ETS1: variants seen among roughly 807,000 people sequenced by gnomAD.
ETS1 encodes ETS proto-oncogene 1, transcription factor.
In ETS1, 15 loss-of-function variants were observed where a neutral mutation model predicts 58.6. The observed-to-expected ratio is 0.26, with a 90% confidence interval of 0.17 to 0.39. The LOEUF (loss-of-function observed/expected upper bound fraction) is 0.39. Among genes scored for constraint, ETS1 ranks in the 10% least tolerant of loss-of-function variants. The pLI is 1.00. For missense variants in ETS1, 417 were observed against 610.5 expected, an observed-to-expected ratio of 0.68 and a Z score of 3.34; for synonymous variants, 214 against 218.2, an observed-to-expected ratio of 0.98 and a Z score of 0.17.
Position 128,573,072 on chromosome 11 carries a change from G to T in ETS1, c.59C>A (p.Pro20His), listed in dbSNP as rs1864670025. ...SSPVPYSAPR[P>H]AVVRQGPSNT... ...GGGGCCACCACTCACCACCACTGCAGGACGAGGCGCTGAGTAAGGGACGGG... is the reference window on the plus strand; with the variant it reads ...GGGGCCACCACTCACCACCACTGCATGACGAGGCGCTGAGTAAGGGACGGG... Residue 20 changes from proline to histidine, a missense_variant, in exon 2 of 10, where the codon CCT (proline) becomes CAT (histidine). Transcript: ENST00000392668. 2 of 1,604,818 alleles carry T rather than the reference G, an allele frequency of 1.2e-6. No individual in the cohort carries two copies. The highest frequency in any genetic ancestry group is 1.7e-6 in the Non-Finnish European group (2 of 1,175,806).
chr11:128,571,501 CAAAAAAAAAAAAAAAAAAAAAAAAAAAAA>C (rs563312769), intron 2 of ETS1, among the ~76,000 whole-genome samples: 1 of 32,880 alleles, frequency 3.0e-5, no homozygotes, highest in Non-Finnish European at 5.1e-5. Context: ...AAGACTCCGT[CAAAAAAAAAAAAAAAAAAAAAAAAAAAAA>C]AAAAAAAAAA....
At chr11:128,534,729 A>C (rs1342263234) in intron 3 of ETS1, among the ~76,000 whole-genome samples, 3 of 152,136 alleles carry the variant, frequency 2.0e-5, no homozygotes, top group Non-Finnish European at 4.4e-5. Context: ...TTCCAGGTCC[A>C]TCCATGTCCC....
At chr11:128,575,139 A>G (rs1445966310) in intron 1 of ETS1, among the ~76,000 whole-genome samples, 1 of 152,126 alleles carries the variant, frequency 6.6e-6, no homozygotes, top group East Asian at 1.9e-4. Context: ...GAGGCCTGAA[A>G]CCTCAGATAG....
chr11:128,557,364 T>G (rs547812669), intron 2 of ETS1, among the ~76,000 whole-genome samples: 9 of 152,304 alleles, frequency 5.9e-5, no homozygotes, highest in African/African-American at 2.2e-4. Context: ...GTAATAATAC[T>G]TACTTCATGA....
At chr11:128,507,965 C>T (rs1453793576) in intron 3 of ETS1, among the ~76,000 whole-genome samples, 2 of 152,184 alleles carry the variant, frequency 1.3e-5, no homozygotes, top group Non-Finnish European at 2.9e-5. Flanking sequence ...CTGATAACAT[C>T]AATTCCAAAA....
At chr11:128,565,989 G>A (rs1209532868) in intron 2 of ETS1, among the ~76,000 whole-genome samples, 1 of 152,172 alleles carries the variant, frequency 6.6e-6, no homozygotes, top group African/African-American at 2.4e-5. Flanking sequence ...CCAGAGCCCT[G>A]GGTAAGAAGG....
In ETS1 at chr11:128,538,312, G is replaced by C. The variant is rs942570106; in HGVS notation, c.214+17979C>G. On this transcript the variant is annotated intron_variant, in intron 3 of 9. Coordinates refer to ENST00000392668, the MANE Select transcript of ETS1 (RefSeq NM_001143820.2). Reference sequence around the variant, plus strand: ...CTTTGATTGTAATTCAGGAGGTAAGGGGGGGCGTTAACCTTCCTATTTAGA... The same window carrying C: ...CTTTGATTGTAATTCAGGAGGTAAGCGGGGGCGTTAACCTTCCTATTTAGA... 9.2e-5 allele frequency among the ~76,000 whole-genome samples: 14 copies of C among 152,238 alleles called. No homozygotes were observed. In the East Asian group the frequency reaches 9.6e-4, roughly 10 times the overall value.
At chr11:128,509,550 ATT>A (rs59753000) in intron 3 of ETS1, among the ~76,000 whole-genome samples, 22,580 of 94,458 alleles carry the variant, frequency 0.24, 1,743 homozygotes, top group Middle Eastern at 0.33. Flanking sequence ...TCAGGTGAAA[ATT>A]TTTTTTTTTT....
intron 2 of ETS1, among the ~76,000 whole-genome samples, chr11:128,558,517 C>T (rs775352087): frequency 5.9e-5 from 9 of 151,784 alleles, no homozygotes; most frequent in Non-Finnish European, 8.8e-5. Flanking sequence ...TGGTGGTGGG[C>T]GCCTGTAATC....
At chr11:128,571,905 G>C (rs953973961) in intron 2 of ETS1, 1 of 151,530 alleles carries the variant, frequency 6.6e-6, no homozygotes, top group Non-Finnish European at 1.5e-5. Flanking sequence ...TTAGTTGGGC[G>C]TGGTGGTGGG....
intron 8 of ETS1, among the ~76,000 whole-genome samples, chr11:128,478,215 G>A (rs1654278555): frequency 6.8e-6 from 1 of 146,454 alleles, no homozygotes; most frequent in Admixed American, 6.8e-5. Context: ...CTCACTAAAT[G>A]TTTTACTCCC....
chr11:128,556,615 G>A (rs1431202747), intron 2 of ETS1, among the ~76,000 whole-genome samples, 180 bp from the exon 3 acceptor site: 2 of 152,136 alleles, frequency 1.3e-5, no homozygotes, highest in Admixed American at 6.5e-5. Flanking sequence ...CGCAGGGAAC[G>A]AGAAGAATTT....
At chr11:128,489,595 T>G in intron 4 of ETS1, 105 bp from the exon 5 acceptor site, 1 of 862,306 alleles carries the variant, frequency 1.2e-6, no homozygotes, top group Non-Finnish European at 1.9e-6. Context: ...GAATGCTATC[T>G]TTATTCATCG....
At chr11:128,477,749 G>A (rs1862361783) in intron 8 of ETS1, among the ~76,000 whole-genome samples, 1 of 152,186 alleles carries the variant, frequency 6.6e-6, no homozygotes, top group African/African-American at 2.4e-5. Flanking sequence ...TGAATCCAAG[G>A]AGACAGTGAG....
rs555982036 is a variant in ETS1 at position 128,534,345 on chromosome 11, A to G, written c.214+21946T>C. Among the ~76,000 whole-genome samples the G allele has an allele frequency of 3.9e-4, 59 of 152,314 alleles. 3 individuals carry two copies. In the South Asian group the frequency reaches 0.012, roughly 31 times the overall value. On this transcript the variant is annotated intron_variant, in intron 3 of 9. Coordinates refer to ENST00000392668, the MANE Select transcript of ETS1 (RefSeq NM_001143820.2). ...TGACTAGACTATAAAGAAATCCCAT[A>G]TACAATTTAAGTTTTCCATGAAATG...
At position 128,489,972 on chromosome 11, in the gene ETS1, A is replaced by C. The variant is rs530109479; in HGVS notation, c.335-482T>G. On this transcript the variant is annotated intron_variant, in intron 4 of 9. Coordinates refer to ENST00000392668, the MANE Select transcript of ETS1 (RefSeq NM_001143820.2). ...GGTAACAATTGTAGCAATTAGTAGT[A>C]GTCATTCATTCAAATGGCACTTGGT... 7.9e-5 allele frequency among the ~76,000 whole-genome samples: 12 copies of C among 152,364 alleles called. 1 individual carries two copies. In the South Asian group the frequency reaches 2.5e-3, roughly 32 times the overall value.
chr11:128,499,208 C>T (rs993679966), intron 3 of ETS1, among the ~76,000 whole-genome samples: 3 of 152,194 alleles, frequency 2.0e-5, no homozygotes, highest in Non-Finnish European at 4.4e-5. Context: ...CTACATCTTG[C>T]TATAATCCCA....
rs1864350490 is a variant in ETS1, at chr11:128,558,499, G to A, written c.70-2064C>T. Among the ~76,000 whole-genome samples the A allele has an allele frequency of 2.0e-5, 3 of 152,078 alleles. No individual in the cohort carries two copies. In the South Asian group the frequency reaches 6.2e-4, roughly 32 times the overall value. Reference sequence around the variant, plus strand: ...GTCTCTACTAAAAATACAAAAATTAGCCAGGCGTGGTGGTGGGCGCCTGTA... The same window carrying A: ...GTCTCTACTAAAAATACAAAAATTAACCAGGCGTGGTGGTGGGCGCCTGTA... On this transcript the variant is annotated intron_variant, in intron 2 of 9. Coordinates refer to ENST00000392668, the MANE Select transcript of ETS1 (RefSeq NM_001143820.2).
At chr11:128,532,944 CG>C in intron 3 of ETS1, among the ~76,000 whole-genome samples, 1 of 152,292 alleles carries the variant, frequency 6.6e-6, no homozygotes, top group East Asian at 1.9e-4. Context: ...TTAAATAACA[CG>C]CCTCTCTCCC....
Sources: allele counts gnomAD v4.1 joint callset (sites outside exome capture counted in the v4.1 genomes callset), GRCh38; gene constraint gnomAD v4.1.1; transcripts MANE v1.5; gene names NCBI Gene and HGNC (gene_info 2026-07-23, HGNC 2026-07-21).